The following GPR137C variants were observed in gnomAD, a reference collection of about 807,000 sequenced individuals.
GPR137C encodes the protein integral membrane protein GPR137C.
In GPR137C, 27 loss-of-function variants were observed where a neutral mutation model predicts 43.4. The observed-to-expected ratio is 0.62, with a 90% confidence interval of 0.46 to 0.86. The LOEUF (loss-of-function observed/expected upper bound fraction) is 0.86, where lower values mean the gene tolerates loss of function less well. Among genes scored for constraint, GPR137C ranks in the 40% least tolerant of loss-of-function variants. The probability of loss-of-function intolerance (pLI) is 0.00; values close to 1 mark genes in which losing one functional copy is unlikely to be tolerated. For synonymous variants in GPR137C, 285 were observed against 226.9 expected (o/e 1.26, Z -2.30); for missense variants, 522 against 534.6 (o/e 0.98, Z 0.23).
At chr14:52,596,352 C>T (rs1246670437) in intron 1 of GPR137C, among the ~76,000 whole-genome samples, 1 of 152,198 alleles carries the variant, frequency 6.6e-6, no homozygotes, top group Non-Finnish European at 1.5e-5. Context: ...TGCTCTCTTC[C>T]GAGCTGTTAG....
intron 3 of GPR137C, among the ~76,000 whole-genome samples, chr14:52,625,526 A>C (rs1434620449): frequency 7.4e-6 from 1 of 135,440 alleles, no homozygotes; most frequent in African/African-American, 2.7e-5. Flanking sequence ...GGAGGGAAGA[A>C]CACATCTTTT....
chr14:52,594,414 G>A (rs2038824499), intron 1 of GPR137C, among the ~76,000 whole-genome samples: 1 of 152,172 alleles, frequency 6.6e-6, no homozygotes, highest in South Asian at 2.1e-4. Flanking sequence ...GGCTAATATT[G>A]ACAGTGGGGT....
chr14:52,617,155 C>T (rs777569391), intron 3 of GPR137C, among the ~76,000 whole-genome samples: 1 of 152,142 alleles, frequency 6.6e-6, no homozygotes, highest in Non-Finnish European at 1.5e-5. Context: ...CTGGCTCTAC[C>T]TCTAGGTTCA....
intron 3 of GPR137C, among the ~76,000 whole-genome samples, chr14:52,606,412 G>A (rs2038984364): frequency 6.6e-6 from 1 of 151,862 alleles, no homozygotes; most frequent in Non-Finnish European, 1.5e-5. Flanking sequence ...TATTTTACAT[G>A]AATAGTGCTT....
Position 52,593,322 on chromosome 14 carries a change from G to C in GPR137C, c.445-4950G>C, listed in dbSNP as rs191808525. On this transcript the variant is annotated intron_variant, in intron 1 of 6. Transcript: ENST00000321662. Reference sequence around the variant, plus strand: ...TTTGTTGTGTCTCTGCCAGGCCTTTGTGTCGGGATGATGCTGGCCCCATAA... The same window carrying C: ...TTTGTTGTGTCTCTGCCAGGCCTTTCTGTCGGGATGATGCTGGCCCCATAA... Among the ~76,000 whole-genome samples, 5 of 152,278 alleles carry C rather than the reference G, an allele frequency of 3.3e-5. No homozygotes were observed. The East Asian group carries it at 7.7e-4, about 23-fold the overall frequency.
chr14:52,575,557 GTTAA>G (rs1346079325), intron 1 of GPR137C, among the ~76,000 whole-genome samples: 3 of 152,188 alleles, frequency 2.0e-5, no homozygotes, highest in Admixed American at 2.0e-4. Flanking sequence ...TCTTGGGCAT[GTTAA>G]TTCTGCAGAT....
At chr14:52,606,884 A>G (rs781311249) in intron 3 of GPR137C, among the ~76,000 whole-genome samples, 1 of 150,972 alleles carries the variant, frequency 6.6e-6, no homozygotes, top group Non-Finnish European at 1.5e-5. Flanking sequence ...ACATTATTAG[A>G]TTGTTTATTT....
chr14:52,557,107 T>C (rs1304193450), intron 1 of GPR137C, among the ~76,000 whole-genome samples: 4 of 152,172 alleles, frequency 2.6e-5, no homozygotes, highest in Non-Finnish European at 2.9e-5. Context: ...TTCTTTGATT[T>C]CCCACAAAAG....
intron 1 of GPR137C, among the ~76,000 whole-genome samples, chr14:52,571,194 G>A (rs1200726286): frequency 6.6e-6 from 1 of 152,126 alleles, no homozygotes; most frequent in African/African-American, 2.4e-5. Flanking sequence ...ACTCAAAACT[G>A]CACAACTACA....
At chr14:52,589,933 G>C (rs560276172) in intron 1 of GPR137C, among the ~76,000 whole-genome samples, 16 of 152,104 alleles carry the variant, frequency 1.1e-4, no homozygotes, top group South Asian at 4.1e-4. Context: ...GATAATAAAT[G>C]ATTATGTTAC....
At position 52,600,297 on chromosome 14, in the gene GPR137C, A is replaced by C. The variant is rs1301204749; in HGVS notation, c.673A>C (p.Lys225Gln). 1 of 1,611,452 alleles carries C rather than the reference A, an allele frequency of 6.2e-7. No individual in the cohort carries two copies. Among genetic ancestry groups the C allele is most frequent in the Non-Finnish European group, 8.5e-7 (1 of 1,177,904 alleles). Residue 225 changes from lysine (K) to glutamine (Q), a missense_variant, in exon 3 of 7, where the codon AAA (lysine) becomes CAA (glutamine). Physicochemically the swap from Lys to Gln is moderately conservative, Grantham distance 53 (BLOSUM62 1). Coordinates refer to ENST00000321662, the MANE Select transcript of GPR137C (RefSeq NM_001099652.2). Reference protein sequence around the residue: ...CAISLVCYICKITKMSSANVY... With the variant: ...CAISLVCYICQITKMSSANVY... ...CATCTCTTTAGTGTGTTACATATGCAAAATTACAAAAATGTCATCAGCTAA... is the reference window on the plus strand; with the variant it reads ...CATCTCTTTAGTGTGTTACATATGCCAAATTACAAAAATGTCATCAGCTAA...
intron 1 of GPR137C, among the ~76,000 whole-genome samples, chr14:52,596,585 C>T (rs1205582256): frequency 2.0e-5 from 3 of 152,316 alleles, no homozygotes; most frequent in African/African-American, 2.4e-5. Context: ...CAGACTGCTG[C>T]GCTAGCATTG....
chr14:52,581,691 T>G (rs1009588107), intron 1 of GPR137C, among the ~76,000 whole-genome samples: 1 of 152,216 alleles, frequency 6.6e-6, no homozygotes, highest in African/African-American at 2.4e-5. Context: ...GCAATTGATA[T>G]GGAAATTGGA....
intron 3 of GPR137C, among the ~76,000 whole-genome samples, chr14:52,616,076 C>G (rs1160367876): frequency 1.3e-5 from 2 of 152,130 alleles, no homozygotes; most frequent in Non-Finnish European, 2.9e-5. Flanking sequence ...TTCTCAAGTA[C>G]TGCCTTGGCA....
At chr14:52,569,158 G>C (rs1594782944) in intron 1 of GPR137C, among the ~76,000 whole-genome samples, 1 of 152,140 alleles carries the variant, frequency 6.6e-6, no homozygotes, top group Non-Finnish European at 1.5e-5. Flanking sequence ...AGGCAAACAG[G>C]GTCTGGAGAG....
chr14:52,556,444 G>T (rs1398928728), intron 1 of GPR137C, among the ~76,000 whole-genome samples: 3 of 145,744 alleles, frequency 2.1e-5, no homozygotes, highest in African/African-American at 7.7e-5. Context: ...ATGAGGGAAA[G>T]TAGCCCTTTC....
At position 52,636,545 on chromosome 14, in the gene GPR137C, T is replaced by C. The variant is rs2039354899; in HGVS notation, c.*1430T>C. Reference sequence around the variant, plus strand: ...CGACTATCCTTTTCTGTTTTATACTTTGATTAGAATGTTATTTCCTCGCTT... The same window carrying C: ...CGACTATCCTTTTCTGTTTTATACTCTGATTAGAATGTTATTTCCTCGCTT... On this transcript the variant is annotated 3_prime_UTR_variant, in exon 7 of 7. Coordinates refer to ENST00000321662, the MANE Select transcript of GPR137C (RefSeq NM_001099652.2). The C allele has an allele frequency of 6.6e-6, 1 of 152,096 alleles. No individual in the cohort carries two copies. Among genetic ancestry groups the C allele is most frequent in the East Asian group, 1.9e-4 (1 of 5,198 alleles). The allele number at this position is 152,096 out of a possible 1,614,324, so 9.4% of individuals were successfully genotyped here.
Position 52,633,067 on chromosome 14 carries a change from G to T in GPR137C, c.868-463G>T, listed in dbSNP as rs190538789. 2.0e-5 allele frequency among the ~76,000 whole-genome samples: 3 copies of T among 152,116 alleles called. No homozygotes were observed. The East Asian group carries it at 5.8e-4, about 29-fold the overall frequency. On this transcript the variant is annotated intron_variant, in intron 4 of 6. Transcript: ENST00000321662. ...CATTTCCCTCTTCCAACATCTGATA[G>T]AACAGAAACAAATTTAATATGTAGA...
intron 3 of GPR137C, among the ~76,000 whole-genome samples, chr14:52,607,832 A>C (rs1594800880): frequency 6.6e-6 from 1 of 151,944 alleles, no homozygotes; most frequent in African/African-American, 2.4e-5. Context: ...CTGAGATCAC[A>C]CCACTGCACT....
Sources: gnomAD v4.1 joint callset for allele counts (sites outside exome capture counted in the v4.1 genomes callset) on GRCh38, gnomAD v4.1.1 for gene constraint, MANE v1.5 for transcripts, NCBI Gene and HGNC (gene_info 2026-07-23, HGNC 2026-07-21) for gene names.